The following TLN2 variants were observed in gnomAD, a reference collection of about 807,000 sequenced individuals.
The protein encoded by TLN2 is talin-2.
TLN2 carries 118 observed loss-of-function variants against 294.7 expected under a neutral mutation model. That is an observed-to-expected ratio of 0.40 (90% CI 0.34 to 0.47). The LOEUF (loss-of-function observed/expected upper bound fraction) is 0.47. TLN2 is among the 20% of genes least tolerant of loss of function. The pLI is 0.84. For synonymous variants in TLN2, 1,431 were observed against 1,304.5 expected, an observed-to-expected ratio of 1.10 and a Z score of -2.09; for missense variants, 3,083 against 3,282.2, an observed-to-expected ratio of 0.94 and a Z score of 1.48.
intron 1 of TLN2, among the ~76,000 whole-genome samples, chr15:62,460,945 T>G (rs1016649867): frequency 2.7e-5 from 4 of 150,484 alleles, no homozygotes; most frequent in Admixed American, 1.3e-4. Flanking sequence ...GTGTGTTTAT[T>G]TTATTTTATT....
chr15:62,680,926 TGAGTAGTA>T (rs1379814806), intron 11 of TLN2, among the ~76,000 whole-genome samples: 1 of 152,234 alleles, frequency 6.6e-6, no homozygotes, highest in African/African-American at 2.4e-5. Context: ...TTTTCATGGC[TGAGTAGTA>T]TTCCATGGTG....
chr15:62,578,374 C>G (rs1016289618), intron 1 of TLN2, among the ~76,000 whole-genome samples: 11 of 152,066 alleles, frequency 7.2e-5, no homozygotes, highest in Non-Finnish European at 1.6e-4. Flanking sequence ...CGAGACCAGC[C>G]TGGCCAACAT....
intron 53 of TLN2, 120 bp from the exon 54 acceptor site, chr15:62,820,366 G>C: frequency 8.9e-7 from 1 of 1,125,016 alleles, no homozygotes; most frequent in Non-Finnish European, 1.2e-6. Flanking sequence ...GGTTCCTTAG[G>C]ACAATGCAGG....
At chr15:62,596,122 G>A (rs560742674) in intron 2 of TLN2, among the ~76,000 whole-genome samples, 6 of 152,026 alleles carry the variant, frequency 3.9e-5, no homozygotes, top group East Asian at 3.9e-4. Context: ...AAAATTAGCC[G>A]GGCGCAGTGG....
chr15:62,418,009 G>T (rs987956449), intron 1 of TLN2, among the ~76,000 whole-genome samples: 2 of 152,152 alleles, frequency 1.3e-5, no homozygotes, highest in African/African-American at 2.4e-5. Flanking sequence ...CTTTTCCCCC[G>T]CTTATCCTTG....
chr15:62,796,306 C>A lies in TLN2; in HGVS notation c.6050+13C>A. 1 of 1,607,854 alleles carries A rather than the reference C, an allele frequency of 6.2e-7. No individual in the cohort carries two copies. The highest frequency in any genetic ancestry group is 1.1e-5 in the South Asian group (1 of 89,890). ...TCGCAGACCACAGGTACGTGGGGGT[C>A]CTGGACGGGGAGAGGTTCAGGCTGG... On this transcript the variant is annotated intron_variant, in intron 47 of 58. Transcript: ENST00000636159.
chr15:62,644,305 C>T (rs763559963), intron 3 of TLN2, among the ~76,000 whole-genome samples: 1 of 152,076 alleles, frequency 6.6e-6, no homozygotes, highest in Non-Finnish European at 1.5e-5. Context: ...GTTCTACCCT[C>T]TGTCTGTTCT....
Position 62,842,720 on chromosome 15 carries a change from A to G in TLN2, c.*2110A>G, listed in dbSNP as rs2070834081. On this transcript the variant is annotated 3_prime_UTR_variant, in exon 59 of 59. Transcript: ENST00000636159. The stretch of plus-strand genomic sequence containing the variant: ...CCAGAAAAGCCTCCAGAGACAAACC[A>G]AATGCAAAGGCCTTTCCTTTATAAC... The G allele has an allele frequency of 6.6e-6, 1 of 152,166 alleles. No homozygotes were observed. Among genetic ancestry groups the G allele is most frequent in the Non-Finnish European group, 1.5e-5 (1 of 68,018 alleles). The allele number at this position is 152,166 out of a possible 1,614,324, so 9.4% of individuals were successfully genotyped here. A position where few individuals can be genotyped will look rare whatever the true frequency, so the allele number is the denominator to read the frequency against.
chr15:62,554,760 G>A (rs968283938), intron 1 of TLN2, among the ~76,000 whole-genome samples: 2 of 152,228 alleles, frequency 1.3e-5, no homozygotes, highest in African/African-American at 4.8e-5. Context: ...GACAGGCCTC[G>A]AGCATTGTTA....
intron 48 of TLN2, among the ~76,000 whole-genome samples, chr15:62,799,877 A>G (rs543030839): frequency 6.6e-6 from 1 of 152,350 alleles, no homozygotes; most frequent in African/African-American, 2.4e-5. Flanking sequence ...GGTCCGAAAC[A>G]GGAATGAGTT....
At chr15:62,467,553 A>G (rs569457782) in intron 1 of TLN2, among the ~76,000 whole-genome samples, 6 of 152,214 alleles carry the variant, frequency 3.9e-5, no homozygotes, top group South Asian at 2.1e-4. Context: ...TTAGCCGTGC[A>G]TGGTGGTGCA....
At chr15:62,564,200 C>T (rs934584978) in intron 1 of TLN2, among the ~76,000 whole-genome samples, 84 of 152,192 alleles carry the variant, frequency 5.5e-4, no homozygotes, top group African/African-American at 2.0e-3. Flanking sequence ...AGCCACACAG[C>T]TTGCAGGAGG....
chr15:62,519,115 A>G (rs1459544955), intron 1 of TLN2, among the ~76,000 whole-genome samples: 1 of 152,244 alleles, frequency 6.6e-6, no homozygotes, highest in African/African-American at 2.4e-5. Flanking sequence ...ATAGACCTCT[A>G]TGTTATAGAG....
At chr15:62,407,327 A>G (rs1442361122) in intron 1 of TLN2, among the ~76,000 whole-genome samples, 1 of 152,198 alleles carries the variant, frequency 6.6e-6, no homozygotes, top group Non-Finnish European at 1.5e-5. Context: ...TCAGTATCAT[A>G]GGTTTCTCCC....
intron 1 of TLN2, among the ~76,000 whole-genome samples, chr15:62,454,210 C>T (rs529185093): frequency 1.1e-4 from 17 of 152,308 alleles, no homozygotes; most frequent in Admixed American, 2.0e-4. Flanking sequence ...GATTGTACTC[C>T]GGATGTTTCT....
intron 45 of TLN2, among the ~76,000 whole-genome samples, chr15:62,789,063 C>T (rs2064898737): frequency 6.6e-6 from 1 of 152,172 alleles, no homozygotes; most frequent in African/African-American, 2.4e-5. Flanking sequence ...CCTGAGATCC[C>T]ATTCTTCCTC....
At chr15:62,466,522 G>A (rs999224378) in intron 1 of TLN2, among the ~76,000 whole-genome samples, 9 of 152,344 alleles carry the variant, frequency 5.9e-5, no homozygotes, top group Non-Finnish European at 8.8e-5. Flanking sequence ...ATTGCCAAAT[G>A]TTCCCTGTGG....
In TLN2 at chr15:62,664,819, A is replaced by G. The variant is rs184964379; in HGVS notation, c.788+6921A>G. Among the ~76,000 whole-genome samples, 1,183 of 123,040 alleles carry G rather than the reference A, an allele frequency of 9.6e-3. 17 individuals are homozygous for G. The highest frequency in any genetic ancestry group is 0.033 in the African/African-American group (1,104 of 33,546). 80.7% of individuals were successfully genotyped at this position (123,040 alleles called of 152,430 possible). ...GTTGCAGTGAGCTGAGATATGCATC[A>G]TTGTACTCCAGCCTGGGCAACAAGA... On this transcript the variant is annotated intron_variant, in intron 9 of 58. Coordinates refer to ENST00000636159, the MANE Select transcript of TLN2 (RefSeq NM_015059.3).
intron 1 of TLN2, among the ~76,000 whole-genome samples, chr15:62,556,178 C>A (rs2042595331): frequency 6.6e-6 from 1 of 151,062 alleles, no homozygotes; most frequent in African/African-American, 2.4e-5. Flanking sequence ...ATTGGTTTGG[C>A]ATATATATGG....
Sources: allele counts gnomAD v4.1 joint callset (sites outside exome capture counted in the v4.1 genomes callset), GRCh38; gene constraint gnomAD v4.1.1; transcripts MANE v1.5; gene names NCBI Gene and HGNC (gene_info 2026-07-23, HGNC 2026-07-21).